Variants in SKI observed in about 807,000 individuals in gnomAD.
SKI encodes the protein ski oncogene.
A neutral mutation model predicts 59.3 loss-of-function variants in SKI; 23 were observed. The ratio of observed to expected loss-of-function variants is 0.39; its 90% CI spans 0.28 to 0.55. The LOEUF (loss-of-function observed/expected upper bound fraction) is 0.55. SKI is among the 20% of genes least tolerant of loss of function. The probability of loss-of-function intolerance (pLI) is 0.67; values close to 1 mark genes in which losing one functional copy is unlikely to be tolerated. For missense variants in SKI, 1,017 were observed against 1,038.9 expected, an observed-to-expected ratio of 0.98 and a Z score of 0.29; for synonymous variants, 673 against 488.6, an observed-to-expected ratio of 1.38 and a Z score of -4.98.
chr1:2,265,515 A>C (rs556749557), intron 1 of SKI, among the ~76,000 whole-genome samples: 1 of 152,328 alleles, frequency 6.6e-6, no homozygotes, highest in South Asian at 2.1e-4. Flanking sequence ...AATACACTGT[A>C]ATAACAGTTC....
rs1172053243 is a variant in SKI at position 2,269,432 on chromosome 1, T to G, written c.970-33546T>G. On this transcript the variant is annotated intron_variant, in intron 1 of 6. Transcript: ENST00000378536. This position sits in a 1 kb window ranked among gnomAD's most constrained non-coding sequence, Gnocchi z 4.7. ...CGTCACTAGTAGGCCAAGCGGACAC[T>G]GCGGGACACGTTCCCCAACGTGGGA... 6.6e-6 allele frequency among the ~76,000 whole-genome samples: 1 copy of G among 152,348 alleles called. No homozygotes were observed. Among genetic ancestry groups the G allele is most frequent in the East Asian group, 1.9e-4 (1 of 5,186 alleles).
chr1:2,236,259 G>A (rs1324562724), intron 1 of SKI, among the ~76,000 whole-genome samples: 2 of 152,198 alleles, frequency 1.3e-5, no homozygotes, highest in African/African-American at 2.4e-5. Context: ...GGTTAGGGAC[G>A]CCTGGTCACG....
intron 1 of SKI, among the ~76,000 whole-genome samples, chr1:2,272,021 A>AG (rs1639633685): frequency 6.6e-6 from 1 of 152,102 alleles, no homozygotes; most frequent in African/African-American, 2.4e-5. Context: ...GGGCAGGTGC[A>AG]GGGGCACTGA....
chr1:2,279,220 C>G (rs1639815911), intron 1 of SKI, among the ~76,000 whole-genome samples: 1 of 152,228 alleles, frequency 6.6e-6, no homozygotes. Context: ...TGCCTCTGGC[C>G]TTTCTTCTGC....
chr1:2,235,318 A>G (rs926958631), intron 1 of SKI, among the ~76,000 whole-genome samples: 4 of 152,312 alleles, frequency 2.6e-5, no homozygotes, highest in Non-Finnish European at 5.9e-5. Context: ...TGCTGGGATT[A>G]CAGGCATAAG....
chr1:2,306,763 T>C lies in SKI; in HGVS notation c.2185T>C (p.Ter729GlnextTer50). ...CGAGGGCGCTGCGGAGCTGGAGCCG[T>C]AGATTCCGTGCCTGCCGCCGCAGCG... Reference protein sequence around the residue: ...GSEGAAELEP* With the variant: ...GSEGAAELEPQ Residue 729 changes from the stop codon to glutamine (Q), a stop_lost, in exon 7 of 7, where the codon TAG (stop) becomes CAG (glutamine). Coordinates refer to ENST00000378536, the MANE Select transcript of SKI (RefSeq NM_003036.4). 1 of 1,513,554 alleles carries C rather than the reference T, an allele frequency of 6.6e-7. No homozygotes were observed. Among genetic ancestry groups the C allele is most frequent in the Non-Finnish European group, 8.8e-7 (1 of 1,134,600 alleles). The allele number at this position is 1,513,554 out of a possible 1,614,324, so 93.8% of individuals were successfully genotyped here.
intron 1 of SKI, among the ~76,000 whole-genome samples, chr1:2,256,841 C>T (rs1168448341): frequency 1.3e-5 from 2 of 152,350 alleles, no homozygotes; most frequent in African/African-American, 2.4e-5. Context: ...CACCTCGAGG[C>T]GGCTTGTGTT....
At chr1:2,277,560 A>G (rs971492730) in intron 1 of SKI, among the ~76,000 whole-genome samples, 1 of 152,182 alleles carries the variant, frequency 6.6e-6, no homozygotes, top group Non-Finnish European at 1.5e-5. Flanking sequence ...GCCATGTGGA[A>G]CTGTAAGTCC....
At chr1:2,305,542 C>T (rs1378778079) in intron 5 of SKI, among the ~76,000 whole-genome samples, 6 of 152,122 alleles carry the variant, frequency 3.9e-5, no homozygotes, top group South Asian at 2.1e-4. Flanking sequence ...GTGTTTGCAG[C>T]GTGGGGTGTG....
chr1:2,287,836 C>A (rs537639585), intron 1 of SKI, among the ~76,000 whole-genome samples: 1 of 152,316 alleles, frequency 6.6e-6, no homozygotes, highest in South Asian at 2.1e-4. Flanking sequence ...TCCAGTGTGT[C>A]CCCGATGGAC....
At chr1:2,246,564 G>A (rs949952957) in intron 1 of SKI, among the ~76,000 whole-genome samples, 1 of 152,188 alleles carries the variant, frequency 6.6e-6, no homozygotes, top group African/African-American at 2.4e-5. Context: ...ATTCATGTTT[G>A]TAAGAGGAGA....
chr1:2,285,873 T>G (rs1640030167), intron 1 of SKI, among the ~76,000 whole-genome samples: 1 of 142,292 alleles, frequency 7.0e-6, no homozygotes, highest in South Asian at 2.3e-4. Flanking sequence ...CCAGAAGGTT[T>G]TTTTTTTTTT....
At position 2,246,049 on chromosome 1, in the gene SKI, G is replaced by A. The variant is rs548299812; in HGVS notation, c.969+16314G>A. Among the ~76,000 whole-genome samples, 9 of 152,284 alleles carry A rather than the reference G, an allele frequency of 5.9e-5. No individual in the cohort carries two copies. The South Asian group carries it at 1.7e-3, about 28-fold the overall frequency. On this transcript the variant is annotated intron_variant, in intron 1 of 6. Transcript: ENST00000378536. Reference sequence around the variant, plus strand: ...GGCCTCAAGCCGTCATCCCGCCTCGGCCTCCCAAAGTGCTGGGATTACAGG... The same window carrying A: ...GGCCTCAAGCCGTCATCCCGCCTCGACCTCCCAAAGTGCTGGGATTACAGG...
chr1:2,294,317 A>G (rs1485319499), intron 1 of SKI, among the ~76,000 whole-genome samples: 1 of 152,266 alleles, frequency 6.6e-6, no homozygotes, highest in African/African-American at 2.4e-5. Flanking sequence ...GTGATCTGCT[A>G]AATGGCATGA....
In SKI at chr1:2,294,851, T is replaced by C. The variant is rs143789085; in HGVS notation, c.970-8127T>C. On this transcript the variant is annotated intron_variant, in intron 1 of 6. Coordinates refer to ENST00000378536, the MANE Select transcript of SKI (RefSeq NM_003036.4). The stretch of plus-strand genomic sequence containing the variant: ...AGGCAACTCCCACAGCAGGGCAGGA[T>C]CCACCCTCCACGTTATCATTACTGC... 2.3e-3 allele frequency among the ~76,000 whole-genome samples: 346 copies of C among 152,266 alleles called. 2 individuals are homozygous for C. The highest frequency in any genetic ancestry group is 0.02 in the Middle Eastern group (6 of 294).
intron 1 of SKI, among the ~76,000 whole-genome samples, chr1:2,231,184 C>T (rs141062553): frequency 4.6e-5 from 7 of 152,168 alleles, no homozygotes; most frequent in Admixed American, 1.3e-4. Context: ...TTGGGGTGGC[C>T]GCACCCTCGT....
At chr1:2,274,622 C>T (rs1217423033) in intron 1 of SKI, among the ~76,000 whole-genome samples, 2 of 152,244 alleles carry the variant, frequency 1.3e-5, no homozygotes, top group African/African-American at 4.8e-5. Context: ...TAACATGTTT[C>T]TGGAAGTGGG....
chr1:2,273,659 G>C (rs1639677090), intron 1 of SKI, among the ~76,000 whole-genome samples: 1 of 152,206 alleles, frequency 6.6e-6, no homozygotes, highest in Non-Finnish European at 1.5e-5. Context: ...AGTGTGACGA[G>C]TGTGCGACCA....
intron 1 of SKI, among the ~76,000 whole-genome samples, chr1:2,289,952 A>C (rs1018556657): frequency 1.2e-4 from 19 of 152,246 alleles, no homozygotes; most frequent in Admixed American, 1.1e-3. Context: ...CCTCCAGGCC[A>C]CGTTGCTCCA....
Sources: allele counts gnomAD v4.1 joint callset (sites outside exome capture counted in the v4.1 genomes callset), GRCh38; gene constraint gnomAD v4.1.1; non-coding constraint Gnocchi (gnomAD v3.1); transcripts MANE v1.5; gene names NCBI Gene and HGNC (gene_info 2026-07-23, HGNC 2026-07-21).